The following TTC28 variants were observed in gnomAD, a reference collection of about 807,000 sequenced individuals.
TTC28 encodes tetratricopeptide repeat domain 28.
A neutral mutation model predicts 198.0 loss-of-function variants in TTC28; 61 were observed. The ratio of observed to expected loss-of-function variants is 0.31; its 90% CI spans 0.25 to 0.38. The LOEUF (loss-of-function observed/expected upper bound fraction) is 0.38, where lower values mean the gene tolerates loss of function less well. Among genes scored for constraint, TTC28 ranks in the 10% least tolerant of loss-of-function variants. The pLI is 1.00. For missense variants in TTC28, 2,678 were observed against 3,164.0 expected (o/e 0.85, Z 3.69); for synonymous variants, 1,171 against 1,297.8 (o/e 0.90, Z 2.10).
chr22:28,120,628 AG>A (rs2146937868), intron 6 of TTC28, among the ~76,000 whole-genome samples: 1 of 152,328 alleles, frequency 6.6e-6, no homozygotes, highest in East Asian at 1.9e-4. Flanking sequence ...CCTTCAGCCC[AG>A]GGAGGATAAG....
intron 2 of TTC28, among the ~76,000 whole-genome samples, chr22:28,575,044 G>A (rs1042764328): frequency 7.9e-5 from 12 of 152,028 alleles, no homozygotes; most frequent in Non-Finnish European, 1.3e-4. Flanking sequence ...GATCCCATTT[G>A]TCCATTTTTA....
chr22:28,220,441 G>A (rs1248651494), intron 5 of TTC28, among the ~76,000 whole-genome samples: 1 of 152,186 alleles, frequency 6.6e-6, no homozygotes, highest in Non-Finnish European at 1.5e-5. Flanking sequence ...GGCTTAATTT[G>A]GGGAGGATCT....
At chr22:28,219,517 GA>G (rs971196384) in intron 5 of TTC28, among the ~76,000 whole-genome samples, 105 of 142,866 alleles carry the variant, frequency 7.3e-4, no homozygotes, top group African/African-American at 2.2e-3. Flanking sequence ...AAAAAAAAAA[GA>G]AAAAAAAAAC....
Position 27,982,179 on chromosome 22 carries a change from C to T in TTC28, c.*42G>A. 2.1e-6 allele frequency: 3 copies of T among 1,452,946 alleles called. No individual in the cohort carries two copies. The highest frequency in any genetic ancestry group is 1.5e-5 in the South Asian group (1 of 67,156). The allele number at this position is 1,452,946 out of a possible 1,614,324, so 90.0% of individuals were successfully genotyped here. On this transcript the variant is annotated 3_prime_UTR_variant, in exon 23 of 23. Coordinates refer to ENST00000397906, the MANE Select transcript of TTC28 (RefSeq NM_001145418.2). This position sits in a 1 kb window ranked among gnomAD's most constrained non-coding sequence, Gnocchi z 5.2. ...AAGGGCTGAAGCAAACGCCAGGCCC[C>T]CATCTGCAGGCTGCTCAGAGTCAGT...
At chr22:28,252,413 C>T (rs1040298955) in intron 5 of TTC28, among the ~76,000 whole-genome samples, 7 of 152,164 alleles carry the variant, frequency 4.6e-5, no homozygotes, top group African/African-American at 1.7e-4. Flanking sequence ...GTATATATTT[C>T]TACAAAACTG....
At chr22:28,073,261 C>T (rs2146781187) in intron 12 of TTC28, among the ~76,000 whole-genome samples, 1 of 152,202 alleles carries the variant, frequency 6.6e-6, no homozygotes, top group South Asian at 2.1e-4. Context: ...GAGAAAAGGT[C>T]TGATTTTGGA....
At chr22:28,553,515 G>A (rs1411837686) in intron 2 of TTC28, among the ~76,000 whole-genome samples, 10 of 146,414 alleles carry the variant, frequency 6.8e-5, no homozygotes, top group African/African-American at 1.5e-4. Context: ...CTGCCCGGCC[G>A]CCCCGTCTGA....
intron 12 of TTC28, among the ~76,000 whole-genome samples, chr22:28,037,698 C>T (rs1304047330): frequency 3.3e-5 from 5 of 152,004 alleles, no homozygotes; most frequent in Admixed American, 6.6e-5. Context: ...AAATAAAGGG[C>T]ATTCAATTAG....
chr22:28,106,430 G>T (rs575695225), intron 7 of TTC28, among the ~76,000 whole-genome samples: 108 of 152,270 alleles, frequency 7.1e-4, no homozygotes, highest in African/African-American at 2.3e-3. Flanking sequence ...TGGGGCACAT[G>T]AATTAGTTCC....
At position 28,646,892 on chromosome 22, in the gene TTC28, G is replaced by T. The variant is rs189211443; in HGVS notation, c.103-17062C>A. ...AAAGAAAGGAAAGAATGGAAAGAAA[G>T]AAATCAAATCAAAAGAGAACCCAAA... is the stretch of plus-strand genomic sequence containing the variant. On this transcript the variant is annotated intron_variant, in intron 1 of 22. Coordinates refer to ENST00000397906, the MANE Select transcript of TTC28 (RefSeq NM_001145418.2). 2.6e-5 allele frequency among the ~76,000 whole-genome samples: 4 copies of T among 152,096 alleles called. No homozygotes were observed. In the East Asian group the frequency reaches 7.7e-4, roughly 29 times the overall value.
intron 12 of TTC28, among the ~76,000 whole-genome samples, chr22:28,073,986 T>C (rs1427176652): frequency 2.6e-5 from 4 of 152,012 alleles, no homozygotes; most frequent in Non-Finnish European, 4.4e-5. Flanking sequence ...ACTGTGTGAG[T>C]TGTGGGTCTG....
intron 21 of TTC28, among the ~76,000 whole-genome samples, chr22:27,987,708 C>CA (rs1367742803): frequency 2.0e-5 from 3 of 151,432 alleles, no homozygotes; most frequent in Non-Finnish European, 4.4e-5. Context: ...GACCCTGTCT[C>CA]CAAAAAAAAA....
intron 1 of TTC28, among the ~76,000 whole-genome samples, chr22:28,649,367 GAAATA>G (rs1414314552): frequency 1.3e-5 from 2 of 151,872 alleles, no homozygotes; most frequent in East Asian, 3.9e-4. Context: ...AAAAGCTATT[GAAATA>G]AAATATATAT....
intron 17 of TTC28, among the ~76,000 whole-genome samples, chr22:27,994,885 C>T (rs1254206548): frequency 1.3e-5 from 2 of 151,752 alleles, no homozygotes; most frequent in Admixed American, 6.6e-5. Context: ...TGACGGGACC[C>T]GAGAACTGAA....
At chr22:28,146,522 G>A (rs569904629) in intron 6 of TTC28, among the ~76,000 whole-genome samples, 1 of 152,342 alleles carries the variant, frequency 6.6e-6, no homozygotes, top group South Asian at 2.1e-4. Flanking sequence ...GTTTTGTCAA[G>A]GTTGACAGTC....
chr22:28,641,294 A>G (rs1180309603), intron 1 of TTC28, among the ~76,000 whole-genome samples: 1 of 152,110 alleles, frequency 6.6e-6, no homozygotes, highest in Admixed American at 6.6e-5. Flanking sequence ...ACTACACTCC[A>G]GCCTGGCGAC....
intron 5 of TTC28, among the ~76,000 whole-genome samples, chr22:28,166,226 G>A (rs1374860303): frequency 6.6e-6 from 1 of 152,040 alleles, no homozygotes; most frequent in African/African-American, 2.4e-5. Context: ...AATAATAATG[G>A]GAGACTTTAA....
chr22:28,110,601 T>C (rs1354844238), intron 6 of TTC28, among the ~76,000 whole-genome samples: 1 of 152,162 alleles, frequency 6.6e-6, no homozygotes, highest in Non-Finnish European at 1.5e-5. Context: ...AGTACATAAA[T>C]CATGGTACAC....
intron 6 of TTC28, among the ~76,000 whole-genome samples, chr22:28,126,331 TTCCAGTGTTTTATAA>T (rs2146952310): frequency 6.6e-6 from 1 of 152,304 alleles, no homozygotes; most frequent in Non-Finnish European, 1.5e-5. Flanking sequence ...AACTACGAGT[TTCCAGTGTTTTATAA>T]TCCAGTGTTG....
Sources: gnomAD v4.1 joint callset for allele counts (sites outside exome capture counted in the v4.1 genomes callset) on GRCh38, gnomAD v4.1.1 for gene constraint, Gnocchi (gnomAD v3.1) non-coding constraint, MANE v1.5 for transcripts, NCBI Gene and HGNC (gene_info 2026-07-23, HGNC 2026-07-21) for gene names.